The following NFIA variants were observed in gnomAD, a reference collection of about 807,000 sequenced individuals.
NFIA encodes the protein nuclear factor I A.
A neutral mutation model predicts 62.8 loss-of-function variants in NFIA; 8 were observed. The ratio of observed to expected loss-of-function variants is 0.13; its 90% confidence interval spans 0.07 to 0.23. NFIA has a LOEUF of 0.23. Among genes scored for constraint, NFIA ranks in the 10% least tolerant of loss-of-function variants. The pLI is 1.00. For missense variants in NFIA, 410 were observed against 642.1 expected, an observed-to-expected ratio of 0.64 and a Z score of 3.91; for synonymous variants, 235 against 238.1, an observed-to-expected ratio of 0.99 and a Z score of 0.12.
At chr1:61,258,063 A>T (rs767152651) in intron 2 of NFIA, among the ~76,000 whole-genome samples, 1 of 151,956 alleles carries the variant, frequency 6.6e-6, no homozygotes, top group Non-Finnish European at 1.5e-5. Context: ...AGTGTGTATT[A>T]TTTTATTATC....
intron 4 of NFIA, 137 bp from the exon 5 acceptor site, chr1:61,352,313 G>GT: frequency 3.2e-6 from 2 of 629,610 alleles, no homozygotes; most frequent in Admixed American, 5.5e-5. Flanking sequence ...TGGAGTCATA[G>GT]TTTATTACTG....
intron 2 of NFIA, among the ~76,000 whole-genome samples, chr1:61,104,642 A>G (rs979087664): frequency 6.6e-6 from 1 of 152,000 alleles, no homozygotes; most frequent in African/African-American, 2.4e-5. Flanking sequence ...TTCATTATCA[A>G]AATCATTCTA....
chr1:61,132,779 T>G (rs955213655), intron 2 of NFIA: 2 of 152,228 alleles, frequency 1.3e-5, no homozygotes, highest in African/African-American at 2.4e-5. Context: ...TACTAAAGGA[T>G]TACCGAAGTT....
At chr1:61,383,208 T>A in intron 6 of NFIA, 29 bp from the exon 7 acceptor site, 3 of 1,612,518 alleles carry the variant, frequency 1.9e-6, no homozygotes, top group Non-Finnish European at 2.5e-6. Flanking sequence ...TGAATTAAAG[T>A]GTACTTACCA....
At chr1:61,294,388 G>A (rs557760817) in intron 3 of NFIA, among the ~76,000 whole-genome samples, 4 of 152,240 alleles carry the variant, frequency 2.6e-5, no homozygotes, top group Non-Finnish European at 4.4e-5. Context: ...CTTGATGTTC[G>A]GTTCCTTGTC....
intron 3 of NFIA, among the ~76,000 whole-genome samples, chr1:61,318,923 C>T (rs1660517107): frequency 6.6e-6 from 1 of 152,070 alleles, no homozygotes; most frequent in African/African-American, 2.4e-5. Flanking sequence ...TTAGCAAAAT[C>T]CAGAGTAATA....
intron 10 of NFIA, among the ~76,000 whole-genome samples, chr1:61,432,650 T>TATACACATATAA: frequency 6.6e-6 from 1 of 151,710 alleles, no homozygotes; most frequent in African/African-American, 2.4e-5. Context: ...TACACATATA[T>TATACACATATAA]ATACATATAT....
chr1:61,319,606 G>A (rs1026493580), intron 3 of NFIA, among the ~76,000 whole-genome samples: 5 of 151,990 alleles, frequency 3.3e-5, no homozygotes, highest in Non-Finnish European at 7.4e-5. Context: ...CCCAGTAGAG[G>A]TTATTTTAAA....
At position 61,134,338 on chromosome 1, in the gene NFIA, CAG is replaced by C. The variant is rs530709517; in HGVS notation, c.559+45660_559+45661del. Among the ~76,000 whole-genome samples the C allele has an allele frequency of 3.3e-5, 5 of 151,382 alleles. No homozygotes were observed. In the South Asian group the frequency reaches 1.0e-3, roughly 32 times the overall value. ...TCTCAATTTCTTTTCTTAGGAAAAT[CAG>C]ATTATTTAAATCCCATTATGCACAG... On this transcript the variant is annotated intron_variant, in intron 2 of 10. Coordinates refer to ENST00000403491, the MANE Select transcript of NFIA (RefSeq NM_001134673.4).
chr1:61,263,515 T>C (rs1430273909), intron 2 of NFIA, among the ~76,000 whole-genome samples: 1 of 152,184 alleles, frequency 6.6e-6, no homozygotes, highest in African/African-American at 2.4e-5. Flanking sequence ...GCTTCCACCA[T>C]GACCAAAATG....
At chr1:61,260,604 G>T (rs774779150) in intron 2 of NFIA, among the ~76,000 whole-genome samples, 1 of 151,784 alleles carries the variant, frequency 6.6e-6, no homozygotes, top group African/African-American at 2.4e-5. Context: ...TTTTTGAGAC[G>T]GAGTCTCGCT....
chr1:61,435,853 G>A (rs183691583), intron 10 of NFIA, among the ~76,000 whole-genome samples: 1 of 152,260 alleles, frequency 6.6e-6, no homozygotes, highest in African/African-American at 2.4e-5. Context: ...TCCCTGATAG[G>A]TTTCATGCAC....
At chr1:61,240,514 C>T (rs530287040) in intron 2 of NFIA, among the ~76,000 whole-genome samples, 5 of 151,718 alleles carry the variant, frequency 3.3e-5, no homozygotes, top group Admixed American at 1.3e-4. Context: ...AAACCGTACA[C>T]AATGGGGTCT....
At chr1:61,264,088 G>A (rs1656951539) in intron 2 of NFIA, among the ~76,000 whole-genome samples, 1 of 152,116 alleles carries the variant, frequency 6.6e-6, no homozygotes, top group Admixed American at 6.5e-5. Context: ...ATAATGCTTT[G>A]CACACAGTAG....
intron 7 of NFIA, among the ~76,000 whole-genome samples, chr1:61,403,885 T>C (rs1457966097): frequency 1.3e-5 from 2 of 152,150 alleles, no homozygotes; most frequent in Non-Finnish European, 2.9e-5. Context: ...CCACTGAAAA[T>C]AGAAAGACAG....
chr1:61,198,516 G>A (rs995002813), intron 2 of NFIA, among the ~76,000 whole-genome samples: 21 of 152,186 alleles, frequency 1.4e-4, no homozygotes, highest in African/African-American at 5.1e-4. Flanking sequence ...AAAATCAATG[G>A]CTGTATTGTT....
At chr1:61,094,335 G>A (rs751457660) in intron 2 of NFIA, among the ~76,000 whole-genome samples, 1 of 152,132 alleles carries the variant, frequency 6.6e-6, no homozygotes, top group Non-Finnish European at 1.5e-5. Context: ...TGGAGATACC[G>A]TAAAAGTATT....
chr1:61,358,379 C>CTTTCTTTCTTTTTTT (rs71582639), intron 5 of NFIA, among the ~76,000 whole-genome samples: 2 of 52,616 alleles, frequency 3.8e-5, no homozygotes, highest in African/African-American at 1.7e-4. Flanking sequence ...TTCTTTCTTT[C>CTTTCTTTCTTTTTTT]TTTTTTTTTT....
chr1:61,302,568 A>G (rs1186299515), intron 3 of NFIA, among the ~76,000 whole-genome samples: 1 of 152,106 alleles, frequency 6.6e-6, no homozygotes, highest in Non-Finnish European at 1.5e-5. Context: ...AGGATGTTTT[A>G]TTTTTTGTGT....
Sources: allele counts gnomAD v4.1 joint callset (sites outside exome capture counted in the v4.1 genomes callset), GRCh38; gene constraint gnomAD v4.1.1; transcripts MANE v1.5; gene names NCBI Gene and HGNC (gene_info 2026-07-23, HGNC 2026-07-21).